The following DNM3 variants were observed in gnomAD, a reference collection of about 807,000 sequenced individuals.
DNM3 encodes dynamin 3.
In DNM3, 47 loss-of-function variants were observed where a neutral mutation model predicts 101.6. That is an observed-to-expected ratio of 0.46 (90% CI 0.37 to 0.59). DNM3 has a LOEUF of 0.59. DNM3 is among the 20% of genes least tolerant of loss of function. The probability of loss-of-function intolerance (pLI) is 0.00; values close to 1 mark genes in which losing one functional copy is unlikely to be tolerated. For synonymous variants in DNM3, 385 were observed against 387.9 expected, an observed-to-expected ratio of 0.99 and a Z score of 0.09; for missense variants, 849 against 1,085.7, an observed-to-expected ratio of 0.78 and a Z score of 3.06.
Position 172,262,628 on chromosome 1 carries a change from G to T in DNM3, c.1769+8946G>T, listed in dbSNP as rs548043423. Among the ~76,000 whole-genome samples the T allele has an allele frequency of 2.0e-4, 30 of 152,178 alleles. No individual in the cohort carries two copies. In the South Asian group the frequency reaches 6.2e-3, roughly 32 times the overall value. On this transcript the variant is annotated intron_variant, in intron 15 of 20. Coordinates refer to ENST00000627582, the MANE Select transcript of DNM3 (RefSeq NM_015569.5). ...TTTTGGTGCTTCCTGTCACTTCTCT[G>T]TTGAATTCCAGTGTTCTCTCTTAGA...
At chr1:172,182,109 A>G (rs2059370505) in intron 14 of DNM3, among the ~76,000 whole-genome samples, 1 of 151,776 alleles carries the variant, frequency 6.6e-6, no homozygotes, top group African/African-American at 2.4e-5. Context: ...AGGCAACATT[A>G]TTGTAGTGTG....
At chr1:172,122,460 C>G (rs1441269087) in intron 13 of DNM3, among the ~76,000 whole-genome samples, 2 of 152,154 alleles carry the variant, frequency 1.3e-5, no homozygotes, top group Non-Finnish European at 2.9e-5. Context: ...GTCACCCAGG[C>G]AGCAACTATT....
At chr1:172,026,054 C>G (rs1007997591) in intron 4 of DNM3, among the ~76,000 whole-genome samples, 26 of 152,070 alleles carry the variant, frequency 1.7e-4, no homozygotes, top group African/African-American at 6.3e-4. Context: ...AAGCCAAGAA[C>G]CTTGAAAAAA....
intron 2 of DNM3, among the ~76,000 whole-genome samples, chr1:171,953,799 A>G (rs1468457907): frequency 6.6e-6 from 1 of 152,158 alleles, no homozygotes; most frequent in Non-Finnish European, 1.5e-5. Context: ...TTTCTAGTAG[A>G]CAGGAAAGTT....
At chr1:172,257,651 T>G (rs1040807537) in intron 15 of DNM3, among the ~76,000 whole-genome samples, 1 of 152,124 alleles carries the variant, frequency 6.6e-6, no homozygotes, top group Non-Finnish European at 1.5e-5. Flanking sequence ...CATATGTAAT[T>G]ATCAAATCAG....
intron 13 of DNM3, among the ~76,000 whole-genome samples, chr1:172,109,114 A>G (rs2055273202): frequency 6.6e-6 from 1 of 152,150 alleles, no homozygotes; most frequent in South Asian, 2.1e-4. Flanking sequence ...TTTGTCTTTT[A>G]TAAGAAAGTA....
At chr1:172,391,408 G>C (rs1270897328) in intron 20 of DNM3, among the ~76,000 whole-genome samples, 2 of 152,086 alleles carry the variant, frequency 1.3e-5, no homozygotes, top group Non-Finnish European at 2.9e-5. Context: ...GTTAAATCCA[G>C]CTTTAGATGG....
At chr1:172,062,248 C>G (rs1284620385) in intron 10 of DNM3, among the ~76,000 whole-genome samples, 4 of 152,172 alleles carry the variant, frequency 2.6e-5, no homozygotes, top group Middle Eastern at 6.8e-3. Flanking sequence ...AGATAAAAAT[C>G]TGGTTATGAT....
rs192097332 is a variant in DNM3, at chr1:172,370,478, T to G, written c.1894-8540T>G. The stretch of plus-strand genomic sequence containing the variant: ...CAAAGAAAATTAGACCAGAGTTCTA[T>G]TTTGATCTTACTATCTTTATGATCT... On this transcript the variant is annotated intron_variant, in intron 17 of 20. Transcript: ENST00000627582. Among the ~76,000 whole-genome samples, 10 of 152,142 alleles carry G rather than the reference T, an allele frequency of 6.6e-5. No individual in the cohort carries two copies. The East Asian group carries it at 1.9e-3, about 30-fold the overall frequency.
At chr1:171,921,637 C>T (rs768511536) in intron 1 of DNM3, 111 bp from the exon 2 acceptor site, 29 of 822,600 alleles carry the variant, frequency 3.5e-5, no homozygotes, top group African/African-American at 1.2e-4. Context: ...TTTGGATAAG[C>T]GATACATTGA....
At chr1:172,297,366 T>G (rs1042016321) in intron 15 of DNM3, among the ~76,000 whole-genome samples, 1 of 152,142 alleles carries the variant, frequency 6.6e-6, no homozygotes, top group African/African-American at 2.4e-5. Context: ...TTGTTTCTCA[T>G]TTGCAATCTT....
intron 15 of DNM3, among the ~76,000 whole-genome samples, chr1:172,257,005 A>G (rs1020380878): frequency 6.6e-6 from 1 of 151,474 alleles, no homozygotes; most frequent in Non-Finnish European, 1.5e-5. Context: ...TTGTATTGTG[A>G]CCAAATAATA....
intron 2 of DNM3, among the ~76,000 whole-genome samples, chr1:171,984,093 T>C (rs1571951032): frequency 1.3e-5 from 2 of 152,312 alleles, no homozygotes; most frequent in Admixed American, 1.3e-4. Context: ...TGTTGCTTTT[T>C]CTTTCAAAAT....
At chr1:171,925,132 C>G (rs899645243) in intron 2 of DNM3, among the ~76,000 whole-genome samples, 4 of 151,414 alleles carry the variant, frequency 2.6e-5, no homozygotes, top group African/African-American at 9.7e-5. Flanking sequence ...AACTCCTGAC[C>G]TCAGGTGATT....
chr1:172,304,222 A>AGG (rs745651671), intron 15 of DNM3, among the ~76,000 whole-genome samples: 2 of 128,926 alleles, frequency 1.6e-5, no homozygotes, highest in African/African-American at 3.5e-5. Flanking sequence ...AAAAAAAAAA[A>AGG]CAGGAGTTGC....
intron 14 of DNM3, chr1:172,139,494 A>G (rs1487678234): frequency 6.5e-6 from 1 of 152,794 alleles, no homozygotes. Context: ...TGTTTTTACC[A>G]ATTATATGTG....
At chr1:171,874,229 A>T (rs950146230) in intron 1 of DNM3, among the ~76,000 whole-genome samples, 9 of 152,210 alleles carry the variant, frequency 5.9e-5, no homozygotes, top group African/African-American at 2.2e-4. Flanking sequence ...TAATATGCAT[A>T]TATGTATATG....
At chr1:172,148,424 C>T (rs2058002845) in intron 14 of DNM3, among the ~76,000 whole-genome samples, 3 of 151,552 alleles carry the variant, frequency 2.0e-5, no homozygotes, top group Admixed American at 6.6e-5. Flanking sequence ...TTAAGAATTA[C>T]AGCTCTCTTA....
rs138137505 is a variant in DNM3, at chr1:172,262,572, C to G, written c.1769+8890C>G. 4.4e-3 allele frequency among the ~76,000 whole-genome samples: 674 copies of G among 152,290 alleles called. 5 individuals carry two copies. The highest frequency in any genetic ancestry group is 0.022 in the South Asian group (107 of 4,826). On this transcript the variant is annotated intron_variant, in intron 15 of 20. Coordinates refer to ENST00000627582, the MANE Select transcript of DNM3 (RefSeq NM_015569.5). ...GAGCCACTCCAGACCCTCAGCTGAT[C>G]CAGCTGAACTGTTTCCCTCTCCTTT...
Sources: gnomAD v4.1 joint callset for allele counts (sites outside exome capture counted in the v4.1 genomes callset) on GRCh38, gnomAD v4.1.1 for gene constraint, MANE v1.5 for transcripts, NCBI Gene and HGNC (gene_info 2026-07-23, HGNC 2026-07-21) for gene names.